The following LRFN2 variants were observed in gnomAD, a reference collection of about 807,000 sequenced individuals.
LRFN2 encodes leucine rich repeat and fibronectin type III domain containing 2.
LRFN2 carries 18 observed loss-of-function variants against 37.3 expected under a neutral mutation model. That is an observed-to-expected ratio of 0.48 (90% CI 0.33 to 0.72). The LOEUF is 0.72. Among genes scored for constraint, LRFN2 ranks in the 30% least tolerant of loss-of-function variants. The pLI, the probability that LRFN2 is intolerant of heterozygous loss-of-function variation, is 0.02. For synonymous variants in LRFN2, 556 were observed against 466.6 expected, an observed-to-expected ratio of 1.19 and a Z score of -2.47; for missense variants, 1,006 against 1,060.7, an observed-to-expected ratio of 0.95 and a Z score of 0.72.
chr6:40,567,885 T>C (rs992702993), intron 1 of LRFN2, among the ~76,000 whole-genome samples: 1 of 151,944 alleles, frequency 6.6e-6, no homozygotes, highest in Non-Finnish European at 1.5e-5. Context: ...ACAGATGAAC[T>C]CCTAAGGCTC....
At chr6:40,511,807 G>A (rs1016434000) in intron 1 of LRFN2, among the ~76,000 whole-genome samples, 1 of 152,234 alleles carries the variant, frequency 6.6e-6, no homozygotes, top group Non-Finnish European at 1.5e-5. Context: ...ATTATTCAAA[G>A]TTCTAATATG....
intron 1 of LRFN2, among the ~76,000 whole-genome samples, chr6:40,443,977 G>A (rs1763905468): frequency 3.3e-5 from 5 of 152,152 alleles, no homozygotes; most frequent in Admixed American, 3.3e-4. Flanking sequence ...GGGCTGGGAG[G>A]GAGCTGGCCA....
intron 1 of LRFN2, among the ~76,000 whole-genome samples, chr6:40,556,363 C>A (rs1449015912): frequency 6.6e-6 from 1 of 152,150 alleles, no homozygotes. Flanking sequence ...CCCTTCTGCT[C>A]AGAAGGATAA....
chr6:40,451,020 A>T (rs182636465), intron 1 of LRFN2, among the ~76,000 whole-genome samples: 159 of 152,332 alleles, frequency 1.0e-3, no homozygotes, highest in African/African-American at 3.6e-3. Context: ...CTCCATGGAT[A>T]TCACTATTAG....
At chr6:40,515,367 A>C (rs1361122328) in intron 1 of LRFN2, among the ~76,000 whole-genome samples, 1 of 152,230 alleles carries the variant, frequency 6.6e-6, no homozygotes, top group East Asian at 1.9e-4. Flanking sequence ...AATGAGCAGA[A>C]TACATGGTTC....
chr6:40,546,100 G>A lies in LRFN2; in HGVS notation c.-19+40841C>T, dbSNP rs560142240. On this transcript the variant is annotated intron_variant, in intron 1 of 2. Transcript: ENST00000338305. ...GAGAGAGGGACCAGGCTGCCTGGCT[G>A]TTTTTGAGGATCACAGCTTGGCTGG... Among the ~76,000 whole-genome samples the A allele has an allele frequency of 3.2e-4, 48 of 152,256 alleles. No homozygotes were observed. In the East Asian group the frequency reaches 8.8e-3, roughly 28 times the overall value.
chr6:40,536,590 C>A (rs1435773854), intron 1 of LRFN2, among the ~76,000 whole-genome samples: 2 of 152,122 alleles, frequency 1.3e-5, no homozygotes, highest in Non-Finnish European at 2.9e-5. Flanking sequence ...AAATGAGGAG[C>A]CTGTTTTGGA....
chr6:40,413,258 G>A (rs1313790148), intron 2 of LRFN2, among the ~76,000 whole-genome samples: 1 of 152,140 alleles, frequency 6.6e-6, no homozygotes, highest in Non-Finnish European at 1.5e-5. Flanking sequence ...TAAGACTCAG[G>A]GTCAACAGCC....
intron 2 of LRFN2, among the ~76,000 whole-genome samples, chr6:40,427,118 T>C (rs944774651): frequency 6.6e-6 from 1 of 152,250 alleles, no homozygotes; most frequent in Non-Finnish European, 1.5e-5. Context: ...AGATAGATGA[T>C]TAATTGATTG....
intron 1 of LRFN2, among the ~76,000 whole-genome samples, chr6:40,461,456 G>A (rs1764346221): frequency 6.6e-6 from 1 of 151,876 alleles, no homozygotes; most frequent in Non-Finnish European, 1.5e-5. Flanking sequence ...CACACTGCAT[G>A]TCCAACAATT....
chr6:40,438,209 C>A (rs529352333), intron 1 of LRFN2, among the ~76,000 whole-genome samples: 1 of 151,788 alleles, frequency 6.6e-6, no homozygotes, highest in South Asian at 2.1e-4. Flanking sequence ...CTCCCCAAAC[C>A]GAACCTACAC....
At chr6:40,470,952 C>A (rs1332964313) in intron 1 of LRFN2, among the ~76,000 whole-genome samples, 1 of 152,200 alleles carries the variant, frequency 6.6e-6, no homozygotes, top group Non-Finnish European at 1.5e-5. Flanking sequence ...CGGAGGATTG[C>A]AAGGACCAGG....
In LRFN2 at chr6:40,391,858, A is replaced by G. The variant is rs1762509314; in HGVS notation, c.*85T>C. 3 of 1,388,170 alleles carry G rather than the reference A, an allele frequency of 2.2e-6. No homozygotes were observed. Among genetic ancestry groups the G allele is most frequent in the South Asian group, 1.5e-5 (1 of 65,970 alleles). 86.0% of individuals were successfully genotyped at this position (1,388,170 alleles called of 1,614,324 possible). A position where few individuals can be genotyped will look rare whatever the true frequency, so the allele number is the denominator to read the frequency against. ...ACTGTCCCTGGATGTAAACATCACC[A>G]TGGAAACTCCACAAACACTTGCCAG... On this transcript the variant is annotated 3_prime_UTR_variant, in exon 3 of 3. Coordinates refer to ENST00000338305, the MANE Select transcript of LRFN2 (RefSeq NM_020737.3).
intron 1 of LRFN2, among the ~76,000 whole-genome samples, chr6:40,448,943 G>A (rs1011460534): frequency 6.6e-6 from 1 of 152,162 alleles, no homozygotes; most frequent in African/African-American, 2.4e-5. Context: ...GGGGTAACAG[G>A]GAAGTCAGGC....
At chr6:40,475,419 C>T (rs1328606005) in intron 1 of LRFN2, among the ~76,000 whole-genome samples, 1 of 152,092 alleles carries the variant, frequency 6.6e-6, no homozygotes, top group Non-Finnish European at 1.5e-5. Context: ...TGTGTGTGTG[C>T]AGGCGAGGAA....
intron 1 of LRFN2, among the ~76,000 whole-genome samples, chr6:40,531,465 G>A (rs1055881434): frequency 6.6e-6 from 1 of 152,128 alleles, no homozygotes; most frequent in South Asian, 2.1e-4. Flanking sequence ...CTGTGTTTAG[G>A]AGGGTCACAA....
At chr6:40,531,221 T>C (rs1766335633) in intron 1 of LRFN2, among the ~76,000 whole-genome samples, 1 of 152,192 alleles carries the variant, frequency 6.6e-6, no homozygotes. Flanking sequence ...CAATATTTAG[T>C]CTTTGATGCC....
intron 1 of LRFN2, among the ~76,000 whole-genome samples, chr6:40,566,058 T>A (rs182671495): frequency 1.7e-3 from 266 of 152,036 alleles, no homozygotes; most frequent in Non-Finnish European, 3.1e-3. Flanking sequence ...AACAGCCCCA[T>A]CAAAAAGTGG....
At chr6:40,542,400 G>A (rs538228632) in intron 1 of LRFN2, among the ~76,000 whole-genome samples, 1 of 152,254 alleles carries the variant, frequency 6.6e-6, no homozygotes, top group South Asian at 2.1e-4. Flanking sequence ...TCAGGAAGCA[G>A]GCTGATGGGT....
Sources: gnomAD v4.1 joint callset for allele counts (sites outside exome capture counted in the v4.1 genomes callset) on GRCh38, gnomAD v4.1.1 for gene constraint, MANE v1.5 for transcripts, NCBI Gene and HGNC (gene_info 2026-07-23, HGNC 2026-07-21) for gene names.